SGCZ: variants seen among roughly 807,000 people sequenced by gnomAD.
The protein encoded by SGCZ is zeta-sarcoglycan.
SGCZ carries 40 observed loss-of-function variants against 41.3 expected under a neutral mutation model. That is an observed-to-expected ratio of 0.97 (90% CI 0.75 to 1.26). The LOEUF (loss-of-function observed/expected upper bound fraction) is 1.26. SGCZ is among the 50% of genes most tolerant of loss of function. SGCZ has a pLI of 0.00. For missense variants in SGCZ, 552 were observed against 369.8 expected (o/e 1.49, Z -4.04); for synonymous variants, 206 against 137.5 (o/e 1.50, Z -3.49).
chr8:14,615,742 T>C (rs184423645), intron 1 of SGCZ, among the ~76,000 whole-genome samples: 5 of 152,278 alleles, frequency 3.3e-5, no homozygotes, highest in African/African-American at 1.2e-4. Context: ...CTGTTTCAAA[T>C]ATGTTTTATC....
At chr8:14,592,121 C>G (rs1690316501) in intron 1 of SGCZ, among the ~76,000 whole-genome samples, 1 of 152,130 alleles carries the variant, frequency 6.6e-6, no homozygotes, top group Non-Finnish European at 1.5e-5. Flanking sequence ...TCCCACTTGT[C>G]TGTTTTGCTA....
At chr8:14,372,757 G>A (rs960756274) in intron 2 of SGCZ, among the ~76,000 whole-genome samples, 1 of 152,048 alleles carries the variant, frequency 6.6e-6, no homozygotes, top group Non-Finnish European at 1.5e-5. Flanking sequence ...TGGAGTATCC[G>A]AGTAATAGCA....
intron 2 of SGCZ, among the ~76,000 whole-genome samples, chr8:14,440,325 T>C (rs1260999922): frequency 2.6e-5 from 4 of 152,124 alleles, no homozygotes; most frequent in Non-Finnish European, 4.4e-5. Flanking sequence ...CACTTCTTTG[T>C]TCATGTAGCT....
chr8:14,212,366 T>G (rs1407161912), intron 4 of SGCZ, among the ~76,000 whole-genome samples: 1 of 151,480 alleles, frequency 6.6e-6, no homozygotes, highest in Non-Finnish European at 1.5e-5. Flanking sequence ...ACAAAAAAGT[T>G]TTTTGTTTTC....
intron 3 of SGCZ, among the ~76,000 whole-genome samples, chr8:14,271,301 T>C (rs1800050048): frequency 6.6e-6 from 1 of 152,234 alleles, no homozygotes; most frequent in South Asian, 2.1e-4. Context: ...ACATTATTAC[T>C]ATTATCTATA....
At chr8:14,998,351 T>C (rs1194936052) in intron 1 of SGCZ, among the ~76,000 whole-genome samples, 1 of 152,254 alleles carries the variant, frequency 6.6e-6, no homozygotes, top group East Asian at 1.9e-4. Context: ...CTGAATACAG[T>C]TCTGGGTTGT....
At chr8:14,332,734 T>G (rs1585374557) in intron 2 of SGCZ, 1 of 151,660 alleles carries the variant, frequency 6.6e-6, no homozygotes, top group African/African-American at 2.4e-5. Flanking sequence ...ACTTGATATA[T>G]AAATGGTAAA....
chr8:14,559,492 C>T (rs1563410759), intron 1 of SGCZ, among the ~76,000 whole-genome samples: 1 of 151,976 alleles, frequency 6.6e-6, no homozygotes, highest in Non-Finnish European at 1.5e-5. Context: ...ATGACACAAA[C>T]AAATGGAAAC....
chr8:14,192,515 C>T (rs1322503041), intron 4 of SGCZ, among the ~76,000 whole-genome samples: 4 of 151,786 alleles, frequency 2.6e-5, no homozygotes, highest in Non-Finnish European at 5.9e-5. Flanking sequence ...AAAACTTACC[C>T]ATACAATAAC....
intron 1 of SGCZ, among the ~76,000 whole-genome samples, chr8:15,101,980 G>C (rs1204313894): frequency 1.3e-5 from 2 of 152,122 alleles, no homozygotes; most frequent in African/African-American, 4.8e-5. Context: ...GTTTTCTACA[G>C]AGCTAAACTT....
intron 3 of SGCZ, among the ~76,000 whole-genome samples, chr8:14,271,161 A>C (rs908712452): frequency 1.4e-4 from 21 of 152,110 alleles, no homozygotes; most frequent in African/African-American, 4.8e-4. Context: ...ACTAACCTGC[A>C]CGTTGTGCAC....
At chr8:15,178,199 T>G (rs1318814529) in intron 1 of SGCZ, among the ~76,000 whole-genome samples, 2 of 152,102 alleles carry the variant, frequency 1.3e-5, no homozygotes, top group Non-Finnish European at 2.9e-5. Context: ...AACCATTTCT[T>G]TTTTTGTTTT....
intron 1 of SGCZ, among the ~76,000 whole-genome samples, chr8:15,026,214 C>G (rs1803452646): frequency 6.6e-6 from 1 of 151,838 alleles, no homozygotes; most frequent in African/African-American, 2.4e-5. Flanking sequence ...AGAAAATTCT[C>G]AGACTGGTTA....
At position 14,257,444 on chromosome 8, in the gene SGCZ, C is replaced by CT. The variant is rs958772357; in HGVS notation, c.337-19766dup. Among the ~76,000 whole-genome samples, 8 of 150,952 alleles carry CT rather than the reference C, an allele frequency of 5.3e-5. No individual in the cohort carries two copies. The East Asian group carries it at 5.9e-4, about 11-fold the overall frequency. ...TAAAACTGTTTTTGCAGCATTCTTTCTTTTTTTTTAATACATCCAAAAAGT... is the reference window on the plus strand; with the variant it reads ...TAAAACTGTTTTTGCAGCATTCTTTCTTTTTTTTTTAATACATCCAAAAAGT... On this transcript the variant is annotated intron_variant, in intron 3 of 7. Transcript: ENST00000382080.
intron 2 of SGCZ, among the ~76,000 whole-genome samples, chr8:14,352,929 A>G (rs531412105): frequency 2.0e-5 from 3 of 152,198 alleles, no homozygotes; most frequent in Admixed American, 6.6e-5. Flanking sequence ...ATATCATTTG[A>G]CATTTGATTT....
At chr8:14,521,063 C>A (rs1189324113) in intron 2 of SGCZ, among the ~76,000 whole-genome samples, 1 of 152,082 alleles carries the variant, frequency 6.6e-6, no homozygotes, top group African/African-American at 2.4e-5. Context: ...GTACATCGTA[C>A]TCAGCTTCCC....
At chr8:14,120,283 T>C (rs542514173) in intron 5 of SGCZ, among the ~76,000 whole-genome samples, 83 of 152,232 alleles carry the variant, frequency 5.5e-4, no homozygotes, top group African/African-American at 1.9e-3. Context: ...TATTAGAAGA[T>C]AGAGAAAATT....
At chr8:14,474,480 A>G (rs1801302750) in intron 2 of SGCZ, among the ~76,000 whole-genome samples, 1 of 152,214 alleles carries the variant, frequency 6.6e-6, no homozygotes. Context: ...TTAGTATCAG[A>G]TGCACATTTT....
At chr8:14,532,625 T>C in intron 2 of SGCZ, among the ~76,000 whole-genome samples, 1 of 147,338 alleles carries the variant, frequency 6.8e-6, no homozygotes. Flanking sequence ...GAGGAAACTA[T>C]CACCATCTGA....
Sources: allele counts gnomAD v4.1 joint callset (sites outside exome capture counted in the v4.1 genomes callset), GRCh38; gene constraint gnomAD v4.1.1; transcripts MANE v1.5; gene names NCBI Gene and HGNC (gene_info 2026-07-23, HGNC 2026-07-21).